The following NSMAF variants were observed in gnomAD, a reference collection of about 807,000 sequenced individuals.
NSMAF encodes the protein neutral sphingomyelinase activation associated factor.
A neutral mutation model predicts 134.9 loss-of-function variants in NSMAF; 90 were observed. The observed-to-expected ratio is 0.67, with a 90% CI of 0.56 to 0.79. The LOEUF (loss-of-function observed/expected upper bound fraction) is 0.79, where lower values mean the gene tolerates loss of function less well. Ranked by LOEUF, NSMAF falls within the 30% of genes least tolerant of loss-of-function variation. The probability of loss-of-function intolerance (pLI) is 0.00; values close to 1 mark genes in which losing one functional copy is unlikely to be tolerated. For synonymous variants in NSMAF, 358 were observed against 389.6 expected, an observed-to-expected ratio of 0.92 and a Z score of 0.96; for missense variants, 1,010 against 1,119.0, an observed-to-expected ratio of 0.90 and a Z score of 1.39.
chr8:58,585,317 G>GTTATTTTTTTTT (rs1554572269), intron 30 of NSMAF, among the ~76,000 whole-genome samples: 3 of 144,328 alleles, frequency 2.1e-5, no homozygotes, highest in African/African-American at 7.7e-5. Context: ...TTGTTTCTGG[G>GTTATTTTTTTTT]TTTTTTTTTT....
chr8:58,659,511 G>C (rs989709366), intron 1 of NSMAF, 62 bp downstream of exon 1: 1 of 1,507,698 alleles, frequency 6.6e-7, no homozygotes, highest in African/African-American at 1.5e-5. Context: ...TCTCCGGCCG[G>C]CGTCCCCACG....
chr8:58,598,490 C>CAAAAAAAAAAAAA (rs71250204), intron 19 of NSMAF, among the ~76,000 whole-genome samples: 26 of 125,948 alleles, frequency 2.1e-4, no homozygotes, highest in African/African-American at 6.3e-4. Flanking sequence ...CTGTCTCAAA[C>CAAAAAAAAAAAAA]AAAAAAAAAA....
At chr8:58,633,763 T>C (rs950448132) in intron 5 of NSMAF, among the ~76,000 whole-genome samples, 15 of 152,190 alleles carry the variant, frequency 9.9e-5, no homozygotes, top group African/African-American at 3.4e-4. Context: ...TCTGAGATCT[T>C]GTGACCTAGT....
At chr8:58,633,775 T>C (rs1438375431) in intron 5 of NSMAF, among the ~76,000 whole-genome samples, 1 of 152,192 alleles carries the variant, frequency 6.6e-6, no homozygotes, top group African/African-American at 2.4e-5. Context: ...TGACCTAGTA[T>C]ATATTCAAAA....
At chr8:58,607,113 T>C (rs1010557331) in intron 11 of NSMAF, among the ~76,000 whole-genome samples, 1 of 152,246 alleles carries the variant, frequency 6.6e-6, no homozygotes, top group African/African-American at 2.4e-5. Flanking sequence ...GCTTTTGTAA[T>C]GTCACCAAGT....
In NSMAF at chr8:58,588,878, C is replaced by T. The variant is rs1012778811; in HGVS notation, c.2211+574G>A. ...GCTGCTACTATACATTTCTTTCTAA[C>T]TCTGCTATTGAATGAATGCTAGACC... is the stretch of plus-strand genomic sequence containing the variant. On this transcript the variant is annotated intron_variant, in intron 26 of 30. Coordinates refer to ENST00000038176, the MANE Select transcript of NSMAF (RefSeq NM_003580.4). 11 of 677,916 alleles carry T rather than the reference C, an allele frequency of 1.6e-5. No homozygotes were observed. In the East Asian group the frequency reaches 3.0e-4, roughly 18 times the overall value. The allele number at this position is 677,916 out of a possible 1,614,324, so 42.0% of individuals were successfully genotyped here.
chr8:58,591,108 C>A, intron 23 of NSMAF, 174 bp from the exon 24 acceptor site: 2 of 590,870 alleles, frequency 3.4e-6, no homozygotes, highest in Non-Finnish European at 5.2e-6. Context: ...CCTCATCCAA[C>A]ATTAAGATTC....
chr8:58,645,083 G>A (rs1807415955), intron 1 of NSMAF, among the ~76,000 whole-genome samples: 1 of 150,070 alleles, frequency 6.7e-6, no homozygotes, highest in Non-Finnish European at 1.5e-5. Flanking sequence ...TGCACGTTCT[G>A]CACATGTACT....
intron 9 of NSMAF, among the ~76,000 whole-genome samples, chr8:58,621,756 AT>A (rs1213005416): frequency 6.6e-6 from 1 of 151,938 alleles, no homozygotes; most frequent in Non-Finnish European, 1.5e-5. Flanking sequence ...ATTTTTTCAG[AT>A]TTTTTTGGTT....
intron 9 of NSMAF, among the ~76,000 whole-genome samples, chr8:58,621,938 T>C (rs2129144142): frequency 6.6e-6 from 1 of 152,370 alleles, no homozygotes; most frequent in East Asian, 1.9e-4. Flanking sequence ...ACTCTGTTGA[T>C]AGTTTATTTT....
intron 9 of NSMAF, among the ~76,000 whole-genome samples, chr8:58,622,561 T>C (rs1182224566): frequency 6.6e-6 from 1 of 152,034 alleles, no homozygotes; most frequent in Non-Finnish European, 1.5e-5. Flanking sequence ...GCCTGGGTAA[T>C]TTTTTATATT....
chr8:58,659,445 A>G (rs1263385561), intron 1 of NSMAF, 128 bp downstream of exon 1: 1 of 1,467,742 alleles, frequency 6.8e-7, no homozygotes, highest in East Asian at 3.0e-5. Flanking sequence ...GGCCCTGGAC[A>G]CGCGTCCGGC....
At chr8:58,639,297 A>AAG (rs1807275599) in intron 2 of NSMAF, among the ~76,000 whole-genome samples, 1 of 147,398 alleles carries the variant, frequency 6.8e-6, no homozygotes, top group Non-Finnish European at 1.5e-5. Flanking sequence ...AAAAAAAAAA[A>AAG]AAGAAGAAGA....
chr8:58,589,192 A>G (rs906692562), intron 26 of NSMAF, among the ~76,000 whole-genome samples: 1 of 147,884 alleles, frequency 6.8e-6, no homozygotes, highest in Non-Finnish European at 1.5e-5. Context: ...TATGTAATAT[A>G]TAACAGATAT....
rs147712910 is a variant in NSMAF at position 58,638,057 on chromosome 8, T to C, written c.150-2511A>G. Among the ~76,000 whole-genome samples the C allele has an allele frequency of 7.9e-3, 1,210 of 152,298 alleles. 16 individuals are homozygous for C. The highest frequency in any genetic ancestry group is 0.027 in the African/African-American group (1,130 of 41,552). On this transcript the variant is annotated intron_variant, in intron 2 of 30. Transcript: ENST00000038176. ...AAAACACCCAAAACAATCTGTTTTG[T>C]TTCATTTTAAGAAATGGGATCTCAC...
At position 58,623,711 on chromosome 8, in the gene NSMAF, G is replaced by A. The variant is rs1203166339; in HGVS notation, c.454C>T (p.Gln152Ter). ...KVEDVVETLLQLHRASCLDKL... is the reference protein window; with the variant it reads ...KVEDVVETLL ...TTTTCTACCCAGCAAGTGCTTACCT[G>A]AAGCAACGTCTCCACAACATCTTCC... The change falls in exon 7 of 31, where the codon CAG (glutamine) becomes TAG (stop). Residue 152 changes from glutamine (Q) to a stop codon, truncating the protein, a stop_gained and splice_region_variant. Coordinates refer to ENST00000038176, the MANE Select transcript of NSMAF (RefSeq NM_003580.4). LOFTEE classifies it high-confidence loss of function. The A allele has an allele frequency of 6.2e-7, 1 of 1,613,374 alleles. No homozygotes were observed. The highest frequency in any genetic ancestry group is 1.3e-5 in the African/African-American group (1 of 74,914).
chr8:58,611,703 A>G (rs1806533197), intron 9 of NSMAF, among the ~76,000 whole-genome samples: 2 of 152,206 alleles, frequency 1.3e-5, no homozygotes, highest in Admixed American at 1.3e-4. Context: ...GGCTGAAAAC[A>G]GGTCAATAAA....
intron 12 of NSMAF, 48 bp downstream of exon 12, chr8:58,605,879 C>CT: frequency 7.2e-7 from 1 of 1,382,014 alleles, no homozygotes; most frequent in Non-Finnish European, 9.5e-7. Context: ...GACTCAGCCT[C>CT]CAAAAAAAAA....
At chr8:58,596,621 A>G (rs1806141077) in intron 21 of NSMAF, among the ~76,000 whole-genome samples, 3 of 152,162 alleles carry the variant, frequency 2.0e-5, no homozygotes, top group African/African-American at 7.2e-5. Context: ...AAGAAGAGAG[A>G]GCACTTTGAA....
Sources: allele counts gnomAD v4.1 joint callset (sites outside exome capture counted in the v4.1 genomes callset), GRCh38; gene constraint gnomAD v4.1.1; transcripts MANE v1.5; gene names NCBI Gene and HGNC (gene_info 2026-07-23, HGNC 2026-07-21).